Variants in FHIT observed in about 807,000 individuals in gnomAD.
The protein encoded by FHIT is bis(5'-adenosyl)-triphosphatase.
FHIT carries 19 observed loss-of-function variants against 17.9 expected under a neutral mutation model. The observed-to-expected ratio is 1.06, with a 90% CI of 0.74 to 1.56. The LOEUF (loss-of-function observed/expected upper bound fraction) is 1.56, where lower values mean the gene tolerates loss of function less well. Among genes scored for constraint, FHIT ranks in the 40% most tolerant of loss-of-function variants. FHIT has a pLI of 0.00. For missense variants in FHIT, 248 were observed against 189.2 expected (o/e 1.31, Z -1.82); for synonymous variants, 81 against 69.7 (o/e 1.16, Z -0.81).
chr3:60,290,684 A>C (rs191481915), intron 5 of FHIT, among the ~76,000 whole-genome samples: 1 of 152,208 alleles, frequency 6.6e-6, no homozygotes, highest in East Asian at 1.9e-4. Flanking sequence ...CCTGTGCTTC[A>C]TTCACTGCAT....
chr3:60,442,748 C>A (rs1028136514), intron 5 of FHIT, among the ~76,000 whole-genome samples: 5 of 152,092 alleles, frequency 3.3e-5, no homozygotes, highest in African/African-American at 1.2e-4. Context: ...ATTGACTTGG[C>A]AATGCGGGCT....
chr3:60,750,382 TC>T (rs1334773607), intron 4 of FHIT, among the ~76,000 whole-genome samples: 1 of 152,166 alleles, frequency 6.6e-6, no homozygotes, highest in Non-Finnish European at 1.5e-5. Context: ...TGGCTGTGCC[TC>T]CACCCAAATC....
chr3:61,023,732 A>G (rs540538923), intron 3 of FHIT, among the ~76,000 whole-genome samples: 76 of 152,340 alleles, frequency 5.0e-4, no homozygotes, highest in African/African-American at 1.8e-3. Flanking sequence ...AAACCTGACA[A>G]AAGCAAGCAA....
intron 5 of FHIT, among the ~76,000 whole-genome samples, chr3:60,467,390 T>G (rs2032857869): frequency 6.6e-6 from 1 of 152,028 alleles, no homozygotes; most frequent in African/African-American, 2.4e-5. Context: ...TTGGGTCTGG[T>G]TTTCACTTGC....
chr3:60,455,109 A>T (rs2032006174), intron 5 of FHIT, among the ~76,000 whole-genome samples: 1 of 152,066 alleles, frequency 6.6e-6, no homozygotes, highest in African/African-American at 2.4e-5. Context: ...ACAAATTAAG[A>T]TGGGGTGGGT....
chr3:60,548,559 C>G (rs1184983162), intron 4 of FHIT, among the ~76,000 whole-genome samples: 2 of 152,132 alleles, frequency 1.3e-5, no homozygotes, highest in African/African-American at 4.8e-5. Flanking sequence ...ATTTCTCTCT[C>G]TTTTCTGTAG....
intron 5 of FHIT, among the ~76,000 whole-genome samples, chr3:60,486,519 G>A (rs1172693574): frequency 2.6e-5 from 4 of 151,986 alleles, no homozygotes; most frequent in African/African-American, 9.7e-5. Context: ...CCTCCAAAGG[G>A]GCCTGACAGG....
chr3:61,068,749 A>C (rs2106730278), intron 2 of FHIT, among the ~76,000 whole-genome samples: 1 of 152,228 alleles, frequency 6.6e-6, no homozygotes, highest in Admixed American at 6.5e-5. Flanking sequence ...CCAATATAGA[A>C]AATAAGAGAA....
chr3:60,103,235 G>A (rs759926988), intron 5 of FHIT, among the ~76,000 whole-genome samples: 1 of 152,122 alleles, frequency 6.6e-6, no homozygotes, highest in Non-Finnish European at 1.5e-5. Flanking sequence ...ATTGTATATT[G>A]TAGGGGAGAA....
At chr3:61,037,793 A>C (rs2033329172) in intron 3 of FHIT, among the ~76,000 whole-genome samples, 1 of 152,238 alleles carries the variant, frequency 6.6e-6, no homozygotes, top group Non-Finnish European at 1.5e-5. Context: ...TGCCAAATGC[A>C]GACCCTTGAT....
At chr3:61,245,938 G>C (rs1029523549) in intron 1 of FHIT, among the ~76,000 whole-genome samples, 12 of 152,170 alleles carry the variant, frequency 7.9e-5, no homozygotes, top group African/African-American at 2.9e-4. Context: ...TTAGTCACAA[G>C]ATAAGATAGA....
chr3:60,003,616 G>A (rs376169164), intron 7 of FHIT, among the ~76,000 whole-genome samples: 7 of 152,004 alleles, frequency 4.6e-5, no homozygotes, highest in Admixed American at 4.6e-4. Context: ...ATGGTGGCTC[G>A]GGCCTGTAGT....
chr3:60,309,110 T>C (rs1206572035), intron 5 of FHIT, among the ~76,000 whole-genome samples: 1 of 152,170 alleles, frequency 6.6e-6, no homozygotes, highest in Non-Finnish European at 1.5e-5. Context: ...GATTGCTCTG[T>C]AGTTCCATTA....
At chr3:60,351,077 C>T (rs550728833) in intron 5 of FHIT, among the ~76,000 whole-genome samples, 1 of 148,350 alleles carries the variant, frequency 6.7e-6, no homozygotes, top group East Asian at 1.9e-4. Flanking sequence ...TGGTAGGACA[C>T]TGAAGCAAAA....
At chr3:60,641,550 G>A (rs2039724776) in intron 4 of FHIT, among the ~76,000 whole-genome samples, 1 of 152,098 alleles carries the variant, frequency 6.6e-6, no homozygotes, top group Admixed American at 6.5e-5. Context: ...ATTTACGAGA[G>A]TCCAATTAGG....
At position 60,667,528 on chromosome 3, in the gene FHIT, G is replaced by A. The variant is rs1577048396; in HGVS notation, c.-17-130549C>T. On this transcript the variant is annotated intron_variant, in intron 4 of 9. Transcript: ENST00000492590. ...TTTTAAAAAATTGTATCAAAAATTT[G>A]CAGCTGCTTTATAGGTCATTTATAT... Among the ~76,000 whole-genome samples the A allele has an allele frequency of 2.6e-5, 4 of 151,440 alleles. No individual in the cohort carries two copies. The East Asian group carries it at 7.8e-4, about 29-fold the overall frequency.
At chr3:60,945,200 A>G (rs1028747089) in intron 3 of FHIT, among the ~76,000 whole-genome samples, 3 of 152,132 alleles carry the variant, frequency 2.0e-5, no homozygotes, top group Non-Finnish European at 4.4e-5. Flanking sequence ...TCTCGGGGAG[A>G]AGATTTCCAA....
At chr3:61,215,437 G>A (rs2039642526) in intron 1 of FHIT, among the ~76,000 whole-genome samples, 1 of 152,092 alleles carries the variant, frequency 6.6e-6, no homozygotes. Context: ...CAACTTACAA[G>A]GGACATGAAG....
intron 5 of FHIT, among the ~76,000 whole-genome samples, chr3:60,122,427 T>G (rs570973370): frequency 1.3e-5 from 2 of 152,254 alleles, no homozygotes; most frequent in Admixed American, 6.5e-5. Context: ...AAGATTTGTT[T>G]TGCTAGGAAT....
Sources: allele counts gnomAD v4.1 joint callset (sites outside exome capture counted in the v4.1 genomes callset), GRCh38; gene constraint gnomAD v4.1.1; transcripts MANE v1.5; gene names NCBI Gene and HGNC (gene_info 2026-07-23, HGNC 2026-07-21).